TXNRD1: variants seen among roughly 807,000 people sequenced by gnomAD.
TXNRD1 encodes thioredoxin reductase 1, cytoplasmic.
A neutral mutation model predicts 80.3 loss-of-function variants in TXNRD1; 57 were observed. That is an observed-to-expected ratio of 0.71 (90% CI 0.57 to 0.89). The LOEUF (loss-of-function observed/expected upper bound fraction) is 0.89, where lower values mean the gene tolerates loss of function less well. TXNRD1 is among the 40% of genes least tolerant of loss of function. The pLI is 0.00. For synonymous variants in TXNRD1, 291 were observed against 285.2 expected, an observed-to-expected ratio of 1.02 and a Z score of -0.20; for missense variants, 730 against 803.0, an observed-to-expected ratio of 0.91 and a Z score of 1.10.
intron 3 of TXNRD1, among the ~76,000 whole-genome samples, chr12:104,288,351 C>T (rs1251003170): frequency 1.3e-5 from 2 of 152,182 alleles, no homozygotes; most frequent in African/African-American, 4.8e-5. Context: ...GAGTTCACCC[C>T]TTTGTGAAAT....
intron 3 of TXNRD1, among the ~76,000 whole-genome samples, chr12:104,271,380 T>C (rs2033649571): frequency 6.6e-6 from 1 of 151,998 alleles, no homozygotes. Context: ...GGTTTCACCG[T>C]GTTAGCCAGG....
intron 14 of TXNRD1, among the ~76,000 whole-genome samples, chr12:104,333,217 G>A (rs2036019599): frequency 6.6e-6 from 1 of 151,876 alleles, no homozygotes. Flanking sequence ...ATTTTTTGAA[G>A]ATAGATTTCC....
intron 2 of TXNRD1, among the ~76,000 whole-genome samples, chr12:104,255,765 C>T (rs2033235381): frequency 6.6e-6 from 1 of 152,138 alleles, no homozygotes; most frequent in South Asian, 2.1e-4. Flanking sequence ...TGCACTCCAG[C>T]CTGGGCAACA....
chr12:104,342,375 C>T (rs763416242), intron 16 of TXNRD1, among the ~76,000 whole-genome samples: 4 of 152,108 alleles, frequency 2.6e-5, no homozygotes, highest in African/African-American at 7.2e-5. Context: ...TAGTGTCACT[C>T]GGGAAATTCC....
intron 2 of TXNRD1, among the ~76,000 whole-genome samples, chr12:104,254,630 G>GAAAAAAAAAAAAAA (rs760022093): frequency 1.3e-3 from 22 of 17,258 alleles, no homozygotes; most frequent in South Asian, 2.9e-3. Context: ...TATGTCTATG[G>GAAAAAAAAAAAAAA]AAAAAAAAAA....
At chr12:104,333,231 G>A (rs2036020158) in intron 14 of TXNRD1, among the ~76,000 whole-genome samples, 1 of 151,862 alleles carries the variant, frequency 6.6e-6, no homozygotes, top group South Asian at 2.1e-4. Context: ...GATTTCCTGT[G>A]TGAGTGTGTA....
At chr12:104,274,003 G>A (rs1378749316) in intron 3 of TXNRD1, among the ~76,000 whole-genome samples, 1 of 152,094 alleles carries the variant, frequency 6.6e-6, no homozygotes, top group Admixed American at 6.6e-5. Context: ...AGTGAGCCGA[G>A]ATAGTGACAC....
intron 3 of TXNRD1, among the ~76,000 whole-genome samples, chr12:104,283,839 C>T (rs1406032133): frequency 6.6e-6 from 1 of 152,076 alleles, no homozygotes; most frequent in East Asian, 1.9e-4. Flanking sequence ...CATTGCCCTC[C>T]AGCCAGGGCA....
At chr12:104,324,478 A>T (rs34195880) in intron 10 of TXNRD1, among the ~76,000 whole-genome samples, 3 of 151,672 alleles carry the variant, frequency 2.0e-5, no homozygotes, top group Non-Finnish European at 4.4e-5. Flanking sequence ...CAGCCTCCCA[A>T]GTAGCTGGGA....
chr12:104,315,045 T>C (rs1434724357), intron 6 of TXNRD1, among the ~76,000 whole-genome samples: 1 of 152,156 alleles, frequency 6.6e-6, no homozygotes, highest in Non-Finnish European at 1.5e-5. Flanking sequence ...GCCCAGCCAA[T>C]ATACACCAAA....
At chr12:104,311,987 A>T (rs899524086) in intron 5 of TXNRD1, among the ~76,000 whole-genome samples, 5 of 110,232 alleles carry the variant, frequency 4.5e-5, no homozygotes, top group South Asian at 3.1e-4. Context: ...GTCTTTAAAA[A>T]ATATATATAT....
chr12:104,326,400 C>T lies in TXNRD1; in HGVS notation c.1362C>T (p.Thr454=), dbSNP rs542165610. 5.7e-4 allele frequency: 912 copies of T among 1,588,652 alleles called. 11 individuals carry two copies. In the South Asian group the frequency reaches 9.9e-3, roughly 17 times the overall value. The change falls in exon 12 of 17, where the codon ACC becomes ACT. Residue 454 remains threonine, a synonymous_variant. Transcript: ENST00000525566. The stretch of plus-strand genomic sequence containing the variant: ...GCACAAGAAAAATTGGCTTAGAAAC[C>T]GTAGGGGTGAAGATAAATGAAAAGT... ...DACTRKIGLE[T]VGVKINEKTG... is the part of the protein sequence containing the mutation.
At chr12:104,267,137 G>T (rs2033510538) in intron 3 of TXNRD1, among the ~76,000 whole-genome samples, 1 of 146,154 alleles carries the variant, frequency 6.8e-6, no homozygotes, top group Non-Finnish European at 1.5e-5. Flanking sequence ...CTGCACTCTA[G>T]CCTGGGCAAC....
chr12:104,217,932 G>A (rs1017401110), intron 1 of TXNRD1, among the ~76,000 whole-genome samples: 36 of 151,756 alleles, frequency 2.4e-4, no homozygotes, highest in Admixed American at 5.3e-4. Flanking sequence ...ACTTTTTAAG[G>A]CTGAATAATA....
At position 104,339,380 on chromosome 12, in the gene TXNRD1, T is replaced by C. The variant is rs2036248320; in HGVS notation, c.1881+107T>C. The stretch of plus-strand genomic sequence containing the variant: ...TGTAGGACCCTGAGTTTGATGATGA[T>C]TCCTCAAAAGAGGGCTTTGTCTCTA... On this transcript the variant is annotated intron_variant, in intron 16 of 16. Coordinates refer to ENST00000525566, the MANE Select transcript of TXNRD1 (RefSeq NM_001093771.3). The C allele has an allele frequency of 2.7e-6, 4 of 1,483,976 alleles. No homozygotes were observed. The East Asian group carries it at 9.0e-5, about 34-fold the overall frequency. The allele number at this position is 1,483,976 out of a possible 1,614,324, so 91.9% of individuals were successfully genotyped here.
Position 104,333,502 on chromosome 12 carries a change from C to T in TXNRD1, c.1651-735C>T, listed in dbSNP as rs372393448. On this transcript the variant is annotated intron_variant, in intron 14 of 16. Coordinates refer to ENST00000525566, the MANE Select transcript of TXNRD1 (RefSeq NM_001093771.3). ...ATAATTGTGATACTATGATACTGTA[C>T]ATTAAATTTTGTAACCCATGTTTAT... Among the ~76,000 whole-genome samples, 8 of 152,076 alleles carry T rather than the reference C, an allele frequency of 5.3e-5. No individual in the cohort carries two copies. In the East Asian group the frequency reaches 7.7e-4, roughly 15 times the overall value.
intron 3 of TXNRD1, among the ~76,000 whole-genome samples, chr12:104,264,750 T>C (rs2033438710): frequency 6.6e-6 from 1 of 152,244 alleles, no homozygotes; most frequent in African/African-American, 2.4e-5. Context: ...GCCAATTTTT[T>C]GCTATTGTGG....
intron 16 of TXNRD1, chr12:104,346,239 C>T (rs1178435260): frequency 1.5e-5 from 3 of 201,810 alleles, no homozygotes; most frequent in African/African-American, 2.3e-5. Flanking sequence ...TCTCAAACTC[C>T]TGGGCTCAAG....
intron 1 of TXNRD1, among the ~76,000 whole-genome samples, chr12:104,220,909 G>C (rs1320519562): frequency 1.3e-5 from 2 of 152,134 alleles, no homozygotes; most frequent in South Asian, 2.1e-4. Flanking sequence ...TTACTTTGCT[G>C]GTAGAAACTA....
Sources: allele counts gnomAD v4.1 joint callset (sites outside exome capture counted in the v4.1 genomes callset), GRCh38; gene constraint gnomAD v4.1.1; transcripts MANE v1.5; gene names NCBI Gene and HGNC (gene_info 2026-07-23, HGNC 2026-07-21).